The following SLC5A5 variants were observed in gnomAD, a reference collection of about 807,000 sequenced individuals.
SLC5A5 encodes solute carrier family 5 member 5, also known as sodium/iodide cotransporter.
Under a neutral mutation model 68.6 loss-of-function variants are expected in SLC5A5, and 56 were observed. That is an observed-to-expected ratio of 0.82 (90% CI 0.66 to 1.02). The LOEUF is 1.02. SLC5A5 is among the 50% of genes least tolerant of loss of function. SLC5A5 has a pLI of 0.00. For synonymous variants in SLC5A5, 398 were observed against 373.0 expected (o/e 1.07, Z -0.77); for missense variants, 807 against 859.8 (o/e 0.94, Z 0.77).
intron 5 of SLC5A5, among the ~76,000 whole-genome samples, chr19:17,877,477 T>G (rs1024821182): frequency 3.9e-5 from 6 of 152,062 alleles, no homozygotes; most frequent in Admixed American, 3.9e-4. Context: ...TCCCAGCTAA[T>G]TTTTGTATTT....
At chr19:17,877,610 CA>C in intron 5 of SLC5A5, 112 bp from the exon 6 acceptor site, 1 of 1,409,362 alleles carries the variant, frequency 7.1e-7, no homozygotes. Flanking sequence ...GCCTGGCCAA[CA>C]AAACCCACTC....
intron 14 of SLC5A5, among the ~76,000 whole-genome samples, chr19:17,893,071 A>T (rs1273778129): frequency 8.5e-3 from 511 of 60,158 alleles, no homozygotes; most frequent in Middle Eastern, 0.021. Context: ...TCTTTGTTTT[A>T]TTTGTGTGTT....
chr19:17,888,872 C>T (rs545270724), intron 13 of SLC5A5, among the ~76,000 whole-genome samples: 19 of 151,276 alleles, frequency 1.3e-4, no homozygotes, highest in Admixed American at 3.3e-4. Flanking sequence ...CCGCCCACCT[C>T]GGCCTCGCAA....
At chr19:17,878,766 A>G (rs2094313521) in intron 7 of SLC5A5, among the ~76,000 whole-genome samples, 1 of 152,010 alleles carries the variant, frequency 6.6e-6, no homozygotes, top group South Asian at 2.1e-4. Flanking sequence ...ACTTGAGGTT[A>G]GAAGTTCGAA....
At chr19:17,879,953 G>A (rs2094316784) in intron 7 of SLC5A5, among the ~76,000 whole-genome samples, 1 of 151,840 alleles carries the variant, frequency 6.6e-6, no homozygotes, top group Non-Finnish European at 1.5e-5. Context: ...AGGCTGGAGT[G>A]CAGTGGCGCA....
rs2094301877 is a variant in SLC5A5, at chr19:17,874,441, C to T, written c.424-53C>T. 4.5e-6 allele frequency: 7 copies of T among 1,569,142 alleles called. No individual in the cohort carries two copies. In the Admixed American group the frequency reaches 1.0e-4, roughly 22 times the overall value. ...CACCCTTCTGCCTCCTCTCCCCATCCCCAACTCGCCCAGACGCCCTCCCTG... is the reference window on the plus strand; with the variant it reads ...CACCCTTCTGCCTCCTCTCCCCATCTCCAACTCGCCCAGACGCCCTCCCTG... On this transcript the variant is annotated intron_variant, in intron 2 of 14. Transcript: ENST00000222248.
chr19:17,884,965 A>T (rs1185446353), intron 12 of SLC5A5, among the ~76,000 whole-genome samples: 1 of 148,646 alleles, frequency 6.7e-6, no homozygotes, highest in Non-Finnish European at 1.5e-5. Context: ...AAATGCTGGG[A>T]TTACAGGTGT....
Position 17,883,859 on chromosome 19 carries a change from G to GC in SLC5A5, c.1340dup (p.Leu449ThrfsTer54), listed in dbSNP as rs1568423738. 6.3e-7 allele frequency: 1 copy of GC among 1,591,968 alleles called. No homozygotes were observed. On this transcript the variant is annotated frameshift_variant, in exon 12 of 15. Transcript: ENST00000222248. ...CCGGCTCTGCCCCCAGGGCGTCCTCGCGGGACTAGGCGCGGGCTTGGCGCT... is the reference window on the plus strand; with the variant it reads ...CCGGCTCTGCCCCCAGGGCGTCCTCGCCGGGACTAGGCGCGGGCTTGGCGCT...
Position 17,872,078 on chromosome 19 carries a change from G to T in SLC5A5, c.-242G>T. 1 of 559,504 alleles carries T rather than the reference G, an allele frequency of 1.8e-6. No homozygotes were observed. The highest frequency in any genetic ancestry group is 2.1e-5 in the South Asian group (1 of 47,846). The allele number at this position is 559,504 out of a possible 1,614,324, so 34.7% of individuals were successfully genotyped here. ...GAGGTGGCAGGACAGACAGACAGCAGGGGCGGACGCAGAGACAGACAGCGG... is the reference window on the plus strand; with the variant it reads ...GAGGTGGCAGGACAGACAGACAGCATGGGCGGACGCAGAGACAGACAGCGG... On this transcript the variant is annotated 5_prime_UTR_variant, in exon 1 of 15. It adds an upstream start codon to the 5' untranslated region. Coordinates refer to ENST00000222248, the MANE Select transcript of SLC5A5 (RefSeq NM_000453.3).
chr19:17,882,784 C>T lies in SLC5A5; in HGVS notation c.1242+565C>T, dbSNP rs148487085. Among the ~76,000 whole-genome samples, 976 of 152,190 alleles carry T rather than the reference C, an allele frequency of 6.4e-3. 9 individuals carry two copies. Among genetic ancestry groups the T allele is most frequent in the African/African-American group, 0.022 (921 of 41,536 alleles). The stretch of plus-strand genomic sequence containing the variant: ...CTGCAAGCTCAGCCTCCTGGGTTCA[C>T]GCCATTCTCCTGCCTCAGCCTCCCG... On this transcript the variant is annotated intron_variant, in intron 10 of 14. Coordinates refer to ENST00000222248, the MANE Select transcript of SLC5A5 (RefSeq NM_000453.3).
chr19:17,874,407 T>A, intron 2 of SLC5A5, 87 bp from the exon 3 acceptor site: 1 of 1,344,292 alleles, frequency 7.4e-7, no homozygotes, highest in Non-Finnish European at 1.1e-6. Context: ...CCCGCCCATA[T>A]TCTGGGACCA....
chr19:17,872,265 C>T lies in SLC5A5; in HGVS notation c.-55C>T, dbSNP rs2094295941. 3.1e-6 allele frequency: 4 copies of T among 1,290,212 alleles called. No individual in the cohort carries two copies. Among genetic ancestry groups the T allele is most frequent in the Admixed American group, 2.0e-5 (1 of 49,812 alleles). The allele number at this position is 1,290,212 out of a possible 1,614,324, so 79.9% of individuals were successfully genotyped here. A position where few individuals can be genotyped will look rare whatever the true frequency, so the allele number is the denominator to read the frequency against. On this transcript the variant is annotated 5_prime_UTR_variant, in exon 1 of 15. Transcript: ENST00000222248. ...GCCTCCTCGGCCCCTGCCAGCTTCC[C>T]CCGCTTGAGCACGCAGGGCGTCCGA...
chr19:17,874,796 C>G, intron 4 of SLC5A5, 65 bp downstream of exon 4: 1 of 1,508,854 alleles, frequency 6.6e-7, no homozygotes, highest in Non-Finnish European at 9.2e-7. Flanking sequence ...TGTGGGGAGA[C>G]TCTGGGCTTG....
chr19:17,884,049 G>T lies in SLC5A5; in HGVS notation c.1526+3G>T. ...AACGACTCCAGCAGGGCCCCCAGGT[G>T]AGCAGACTTGAGGGTAGGGGGGTAC... On this transcript the variant is annotated splice_donor_region_variant and intron_variant, in intron 12 of 14. Transcript: ENST00000222248. 1 of 1,557,632 alleles carries T rather than the reference G, an allele frequency of 6.4e-7. No individual in the cohort carries two copies. Among genetic ancestry groups the T allele is most frequent in the East Asian group, 2.4e-5 (1 of 42,452 alleles).
rs1245891797 is a variant in SLC5A5, at chr19:17,883,774, G to T, written c.1329+7G>T. On this transcript the variant is annotated splice_region_variant and intron_variant, in intron 11 of 14. Transcript: ENST00000222248. ...GCCGGCCTGCAACACACCGGTGAGT[G>T]GGGGCGGGGCAAGGGGCGGGGAGGG... 2 of 1,611,922 alleles carry T rather than the reference G, an allele frequency of 1.2e-6. No homozygotes were observed. Among genetic ancestry groups the T allele is most frequent in the Non-Finnish European group, 1.7e-6 (2 of 1,179,096 alleles).
At chr19:17,878,987 A>C (rs1418189539) in intron 7 of SLC5A5, among the ~76,000 whole-genome samples, 6 of 149,450 alleles carry the variant, frequency 4.0e-5, no homozygotes, top group Middle Eastern at 3.4e-3. Flanking sequence ...AAAAAAAAAA[A>C]ACAAAAAAAA....
Position 17,894,124 on chromosome 19 carries a change from G to T in SLC5A5, c.*247G>T. ...GCCCTGACGGCTCCCCCCAAATAAGGCTGGGTTTTTCTCTCTCTCTTTTTT... is the reference window on the plus strand; with the variant it reads ...GCCCTGACGGCTCCCCCCAAATAAGTCTGGGTTTTTCTCTCTCTCTTTTTT... On this transcript the variant is annotated 3_prime_UTR_variant, in exon 15 of 15. Coordinates refer to ENST00000222248, the MANE Select transcript of SLC5A5 (RefSeq NM_000453.3). The T allele has an allele frequency of 2.0e-6, 1 of 497,206 alleles. No individual in the cohort carries two copies. Among genetic ancestry groups the T allele is most frequent in the Non-Finnish European group, 3.6e-6 (1 of 279,540 alleles). The allele number at this position is 497,206 out of a possible 1,614,324, so 30.8% of individuals were successfully genotyped here. A position where few individuals can be genotyped will look rare whatever the true frequency, so the allele number is the denominator to read the frequency against.
At position 17,877,780 on chromosome 19, in the gene SLC5A5, G is replaced by A. The variant is rs749979083; in HGVS notation, c.756G>A (p.Thr252=). Reference sequence around the variant, plus strand: ...TCTGGACTTTTGTGGTGGGTGGCACGTTGGTGTGGCTCTCCATGTATGGCG... The same window carrying A: ...TCTGGACTTTTGTGGTGGGTGGCACATTGGTGTGGCTCTCCATGTATGGCG... The part of the protein sequence containing the change: ...YTFWTFVVGG[T]LVWLSMYGVN... Residue 252 remains threonine (T), a synonymous_variant, in exon 6 of 15, where the codon ACG becomes ACA. Transcript: ENST00000222248. 7 of 1,614,244 alleles carry A rather than the reference G, an allele frequency of 4.3e-6. No homozygotes were observed. The East Asian group carries it at 1.1e-4, about 26-fold the overall frequency.
In SLC5A5 at chr19:17,872,222, A is replaced by AC; in HGVS notation, c.-95dup. On this transcript the variant is annotated 5_prime_UTR_variant, in exon 1 of 15. Transcript: ENST00000222248. Reference sequence around the variant, plus strand: ...GGGACAGGCTGCCGAGCATCCTCCCACCCGCCCTCCCCGTCCTGCCTCCTC... The same window carrying AC: ...GGGACAGGCTGCCGAGCATCCTCCCACCCCGCCCTCCCCGTCCTGCCTCCTC... 1.2e-5 allele frequency: 3 copies of AC among 246,512 alleles called. No homozygotes were observed. The highest frequency in any genetic ancestry group is 1.6e-5 in the Non-Finnish European group (2 of 123,916). 15.3% of individuals were successfully genotyped at this position (246,512 alleles called of 1,614,324 possible).
Sources: gnomAD v4.1 joint callset for allele counts (sites outside exome capture counted in the v4.1 genomes callset) on GRCh38, gnomAD v4.1.1 for gene constraint, MANE v1.5 for transcripts, NCBI Gene and HGNC (gene_info 2026-07-23, HGNC 2026-07-21) for gene names.